Variants in CDH13 observed in about 807,000 individuals in gnomAD.
CDH13 encodes the protein cadherin 13.
Under a neutral mutation model 63.8 loss-of-function variants are expected in CDH13, and 24 were observed. The ratio of observed to expected loss-of-function variants is 0.38; its 90% CI spans 0.27 to 0.53. The LOEUF is 0.53. Ranked by LOEUF, CDH13 falls within the 20% of genes least tolerant of loss-of-function variation. CDH13 has a pLI of 0.85. For missense variants in CDH13, 1,049 were observed against 903.1 expected (o/e 1.16, Z -2.07); for synonymous variants, 503 against 355.3 (o/e 1.42, Z -4.67).
intron 10 of CDH13, among the ~76,000 whole-genome samples, chr16:83,689,591 G>T (rs180772887): frequency 5.3e-5 from 8 of 152,290 alleles, no homozygotes; most frequent in African/African-American, 1.7e-4. Flanking sequence ...GAATCTCAAA[G>T]CTTGTATTTT....
intron 7 of CDH13, among the ~76,000 whole-genome samples, chr16:83,531,135 A>T (rs962748957): frequency 6.6e-6 from 1 of 152,210 alleles, no homozygotes; most frequent in African/African-American, 2.4e-5. Context: ...CCATGGTAGC[A>T]CATCCTCTTC....
intron 1 of CDH13, among the ~76,000 whole-genome samples, chr16:82,685,832 G>C (rs563484664): frequency 2.0e-5 from 3 of 152,330 alleles, no homozygotes; most frequent in African/African-American, 7.2e-5. Context: ...TGCCACTTCA[G>C]AGGTCTTAAA....
chr16:82,635,490 T>G (rs536171612), intron 1 of CDH13, among the ~76,000 whole-genome samples: 5 of 152,324 alleles, frequency 3.3e-5, no homozygotes, highest in African/African-American at 1.2e-4. Context: ...TGGGGCCATG[T>G]CAGCCACTGC....
chr16:82,785,474 A>T (rs1411720855), intron 1 of CDH13, among the ~76,000 whole-genome samples: 1 of 152,234 alleles, frequency 6.6e-6, no homozygotes, highest in African/African-American at 2.4e-5. Flanking sequence ...ATAATAGAGC[A>T]GCACACCTGA....
At chr16:83,423,168 C>G (rs979258530) in intron 6 of CDH13, among the ~76,000 whole-genome samples, 1 of 152,144 alleles carries the variant, frequency 6.6e-6, no homozygotes, top group Non-Finnish European at 1.5e-5. Context: ...CCACAAAAAT[C>G]TGTTTTGTTT....
At chr16:83,237,512 G>A (rs947121906) in intron 5 of CDH13, among the ~76,000 whole-genome samples, 3 of 152,232 alleles carry the variant, frequency 2.0e-5, no homozygotes, top group African/African-American at 7.2e-5. Context: ...GGTGACTATT[G>A]AGCATTTGAA....
intron 4 of CDH13, among the ~76,000 whole-genome samples, chr16:83,156,000 G>C (rs1035721409): frequency 1.3e-5 from 2 of 152,170 alleles, no homozygotes; most frequent in Non-Finnish European, 2.9e-5. Flanking sequence ...TCCACATGCA[G>C]CCAAGGTTGA....
At chr16:82,675,434 A>G (rs1913783505) in intron 1 of CDH13, among the ~76,000 whole-genome samples, 1 of 152,188 alleles carries the variant, frequency 6.6e-6, no homozygotes, top group Non-Finnish European at 1.5e-5. Flanking sequence ...ACACACAGTA[A>G]AAACACAGCT....
intron 6 of CDH13, among the ~76,000 whole-genome samples, chr16:83,455,443 G>A (rs2072996630): frequency 6.6e-6 from 1 of 152,070 alleles, no homozygotes; most frequent in Admixed American, 6.6e-5. Flanking sequence ...GTCTCTGTTT[G>A]GTTTAGAAGT....
chr16:83,306,860 A>G (rs1289037936), intron 5 of CDH13, among the ~76,000 whole-genome samples: 1 of 152,212 alleles, frequency 6.6e-6, no homozygotes, highest in Non-Finnish European at 1.5e-5. Context: ...GAAATTACCC[A>G]GTCTCAGGTA....
At chr16:83,321,419 T>G (rs1292311560) in intron 5 of CDH13, among the ~76,000 whole-genome samples, 1 of 152,170 alleles carries the variant, frequency 6.6e-6, no homozygotes, top group African/African-American at 2.4e-5. Flanking sequence ...GCGGCCTCTA[T>G]GTTAACTACA....
At chr16:82,859,413 C>G (rs932287339) in intron 2 of CDH13, 2 of 152,150 alleles carry the variant, frequency 1.3e-5, no homozygotes, top group Non-Finnish European at 2.9e-5. Context: ...CAAAACTTAG[C>G]TGGGCATGGT....
intron 5 of CDH13, among the ~76,000 whole-genome samples, chr16:83,267,768 A>G (rs571168613): frequency 1.3e-5 from 2 of 152,248 alleles, no homozygotes; most frequent in South Asian, 2.1e-4. Context: ...TGAGCCAAAT[A>G]ATTTTTTTTC....
chr16:82,970,382 CTTTTTTTTTTTTTTTT>C (rs558393653), intron 2 of CDH13, among the ~76,000 whole-genome samples: 4 of 76,750 alleles, frequency 5.2e-5, no homozygotes, highest in Admixed American at 1.4e-4. Context: ...AGTGCATATT[CTTTTTTTTTTTTTTTT>C]TTTTTTTTTT....
intron 7 of CDH13, among the ~76,000 whole-genome samples, chr16:83,545,906 A>C (rs553012619): frequency 2.6e-5 from 4 of 152,174 alleles, no homozygotes. Flanking sequence ...TCATTCAATG[A>C]CAACTATCTA....
At chr16:83,206,757 A>G (rs1017445817) in intron 4 of CDH13, among the ~76,000 whole-genome samples, 1 of 152,204 alleles carries the variant, frequency 6.6e-6, no homozygotes. Context: ...AAATTTCAAA[A>G]TTATATACTG....
chr16:83,489,554 A>T (rs1208662890), intron 7 of CDH13, among the ~76,000 whole-genome samples: 1 of 152,194 alleles, frequency 6.6e-6, no homozygotes, highest in Admixed American at 6.5e-5. Flanking sequence ...GAGGAGGTGG[A>T]ACGTGATTCC....
At chr16:82,652,356 T>C (rs2150909411) in intron 1 of CDH13, among the ~76,000 whole-genome samples, 1 of 152,364 alleles carries the variant, frequency 6.6e-6, no homozygotes, top group East Asian at 1.9e-4. Flanking sequence ...TTTTTGTTCA[T>C]GACAAGATGA....
At chr16:83,610,207 C>T (rs971918354) in intron 8 of CDH13, among the ~76,000 whole-genome samples, 2 of 152,050 alleles carry the variant, frequency 1.3e-5, no homozygotes, top group Middle Eastern at 3.4e-3. Context: ...TCTTTATCTG[C>T]GTTTTCTCTC....
Sources: gnomAD v4.1 joint callset for allele counts (sites outside exome capture counted in the v4.1 genomes callset) on GRCh38, gnomAD v4.1.1 for gene constraint, MANE v1.5 for transcripts, NCBI Gene and HGNC (gene_info 2026-07-23, HGNC 2026-07-21) for gene names.